MALRD1: variants seen among roughly 807,000 people sequenced by gnomAD.
MALRD1 encodes MAM and LDL-receptor class A domain-containing protein 1.
MALRD1 carries 247 observed loss-of-function variants against 242.1 expected under a neutral mutation model. The ratio of observed to expected loss-of-function variants is 1.02; its 90% CI spans 0.92 to 1.13. The LOEUF (loss-of-function observed/expected upper bound fraction) is 1.13, where lower values mean the gene tolerates loss of function less well. MALRD1 is among the 50% of genes most tolerant of loss of function. The pLI, the probability that MALRD1 is intolerant of heterozygous loss-of-function variation, is 0.00. For synonymous variants in MALRD1, 995 were observed against 866.6 expected, an observed-to-expected ratio of 1.15 and a Z score of -2.60; for missense variants, 2,989 against 2,533.1, an observed-to-expected ratio of 1.18 and a Z score of -3.86.
At chr10:19,566,567 A>G (rs1354315955) in intron 32 of MALRD1, among the ~76,000 whole-genome samples, 2 of 151,244 alleles carry the variant, frequency 1.3e-5, no homozygotes, top group Non-Finnish European at 2.9e-5. Flanking sequence ...ATTAATATCC[A>G]TGTGTTTTCT....
chr10:19,270,807 A>ACACACACAC (rs1840192830), intron 19 of MALRD1, among the ~76,000 whole-genome samples: 249 of 145,138 alleles, frequency 1.7e-3, no homozygotes, highest in African/African-American at 5.9e-3. Flanking sequence ...TTCAAAGGAT[A>ACACACACAC]ACACACACAC....
chr10:19,473,148 T>A (rs61843295), intron 29 of MALRD1, among the ~76,000 whole-genome samples: 1 of 133,260 alleles, frequency 7.5e-6, no homozygotes, highest in East Asian at 2.3e-4. Context: ...TGAGGATAAA[T>A]TGAGGTTATG....
chr10:19,515,323 TG>T (rs1833576681), intron 31 of MALRD1, among the ~76,000 whole-genome samples: 1 of 152,190 alleles, frequency 6.6e-6, no homozygotes, highest in South Asian at 2.1e-4. Context: ...TCCTGTAGAT[TG>T]GCAAATCTAT....
intron 38 of MALRD1, among the ~76,000 whole-genome samples, chr10:19,702,774 C>T (rs1414994941): frequency 4.6e-5 from 7 of 151,654 alleles, no homozygotes; most frequent in Non-Finnish European, 8.8e-5. Context: ...AAAATAATGC[C>T]AAAACCTTGA....
At chr10:19,482,586 A>G (rs1837041169) in intron 29 of MALRD1, among the ~76,000 whole-genome samples, 1 of 151,036 alleles carries the variant, frequency 6.6e-6, no homozygotes, top group South Asian at 2.1e-4. Context: ...AAATAGTAGC[A>G]TTTCTATACA....
chr10:19,351,950 TATC>T (rs1346574622), intron 25 of MALRD1, 53 bp from the exon 26 acceptor site: 43 of 1,367,744 alleles, frequency 3.1e-5, no homozygotes, highest in Non-Finnish European at 4.1e-5. Flanking sequence ...TTGAAAATAA[TATC>T]ATATTAATTA....
intron 19 of MALRD1, among the ~76,000 whole-genome samples, chr10:19,276,897 A>T (rs1840555131): frequency 1.4e-5 from 2 of 142,456 alleles, no homozygotes; most frequent in African/African-American, 2.6e-5. Flanking sequence ...TTTTATTTTG[A>T]TTGTTTAATT....
chr10:19,472,701 AG>A, intron 29 of MALRD1, among the ~76,000 whole-genome samples: 1 of 152,036 alleles, frequency 6.6e-6, no homozygotes, highest in South Asian at 2.1e-4. Context: ...AATTGTTAAT[AG>A]TAGTATCATA....
intron 36 of MALRD1, among the ~76,000 whole-genome samples, chr10:19,627,339 C>G (rs371521632): frequency 6.6e-6 from 1 of 151,806 alleles, no homozygotes; most frequent in East Asian, 1.9e-4. Context: ...TAAACAGATT[C>G]GAAAACTTGA....
At chr10:19,503,310 C>T (rs572405390) in intron 31 of MALRD1, among the ~76,000 whole-genome samples, 2 of 152,252 alleles carry the variant, frequency 1.3e-5, no homozygotes, top group African/African-American at 2.4e-5. Flanking sequence ...TTCAGTGAGC[C>T]TATGGTCTAT....
At chr10:19,565,495 A>G (rs1026817980) in intron 32 of MALRD1, among the ~76,000 whole-genome samples, 3 of 152,370 alleles carry the variant, frequency 2.0e-5, no homozygotes, top group East Asian at 3.9e-4. Flanking sequence ...ATTGGGATGT[A>G]AACCAAGATT....
intron 33 of MALRD1, among the ~76,000 whole-genome samples, chr10:19,586,827 C>G (rs1054226359): frequency 2.0e-5 from 3 of 152,358 alleles, no homozygotes; most frequent in Non-Finnish European, 4.4e-5. Context: ...CCCCCAGCCT[C>G]GCTGCCGCCT....
At chr10:19,098,918 T>A (rs1292159372) in intron 4 of MALRD1, among the ~76,000 whole-genome samples, 1 of 152,112 alleles carries the variant, frequency 6.6e-6, no homozygotes, top group African/African-American at 2.4e-5. Flanking sequence ...CACTAAAGAT[T>A]GGTCAGACTA....
rs1282052867 is a variant in MALRD1, at chr10:19,203,895, G to A, written c.2104+15G>A. On this transcript the variant is annotated intron_variant, in intron 15 of 39. Transcript: ENST00000454679. ...CGCATCTCAAGGTAAGAAGCAAACA[G>A]GGACTCTACAACCACTGCTATTTAC... The A allele has an allele frequency of 7.1e-6, 11 of 1,550,232 alleles. No individual in the cohort carries two copies. The African/African-American group carries it at 9.6e-5, about 14-fold the overall frequency.
At chr10:19,259,735 G>C (rs955232478) in intron 19 of MALRD1, among the ~76,000 whole-genome samples, 10 of 152,168 alleles carry the variant, frequency 6.6e-5, no homozygotes, top group Non-Finnish European at 1.5e-4. Context: ...TCCTGGAACA[G>C]GTTTCCCACA....
chr10:19,059,399 G>GT (rs915088576), intron 1 of MALRD1, among the ~76,000 whole-genome samples: 60 of 151,894 alleles, frequency 4.0e-4, no homozygotes, highest in African/African-American at 1.4e-3. Flanking sequence ...GTTTTGTTTT[G>GT]TTTTTTGAGA....
chr10:19,719,938 C>T (rs549441471), intron 38 of MALRD1, among the ~76,000 whole-genome samples: 1 of 151,792 alleles, frequency 6.6e-6, no homozygotes, highest in Admixed American at 6.6e-5. Context: ...TTTTTATTAG[C>T]AGTTGTCAGA....
chr10:19,668,501 G>T (rs1016379619), intron 36 of MALRD1, among the ~76,000 whole-genome samples: 1 of 152,184 alleles, frequency 6.6e-6, no homozygotes, highest in Non-Finnish European at 1.5e-5. Flanking sequence ...ATAACCAAAT[G>T]TGGGAGAACG....
chr10:19,456,467 G>C (rs10764016), intron 29 of MALRD1, among the ~76,000 whole-genome samples: 33,918 of 151,998 alleles, frequency 0.22, 4,470 homozygotes, highest in South Asian at 0.36. Context: ...CATCACTCTG[G>C]ATTCAAATTG....
Sources: gnomAD v4.1 joint callset for allele counts (sites outside exome capture counted in the v4.1 genomes callset) on GRCh38, gnomAD v4.1.1 for gene constraint, MANE v1.5 for transcripts, NCBI Gene and HGNC (gene_info 2026-07-23, HGNC 2026-07-21) for gene names.